The following ADGRB3 variants were observed in gnomAD, a reference collection of about 807,000 sequenced individuals.
The protein encoded by ADGRB3 is adhesion G protein-coupled receptor B3.
ADGRB3 carries 37 observed loss-of-function variants against 193.4 expected under a neutral mutation model. That is an observed-to-expected ratio of 0.19 (90% CI 0.15 to 0.25). ADGRB3 has a LOEUF of 0.25. ADGRB3 is among the 10% of genes least tolerant of loss of function. The pLI, the probability that ADGRB3 is intolerant of heterozygous loss-of-function variation, is 1.00. For missense variants in ADGRB3, 1,637 were observed against 1,852.9 expected, an observed-to-expected ratio of 0.88 and a Z score of 2.14; for synonymous variants, 690 against 644.2, an observed-to-expected ratio of 1.07 and a Z score of -1.08.
At chr6:69,077,715 C>T (rs1036971698) in intron 17 of ADGRB3, among the ~76,000 whole-genome samples, 5 of 151,944 alleles carry the variant, frequency 3.3e-5, no homozygotes, top group African/African-American at 9.7e-5. Context: ...TTATCTGTCA[C>T]GAAGAATGTC....
chr6:69,313,522 A>C (rs964447310), intron 20 of ADGRB3, among the ~76,000 whole-genome samples: 3 of 151,802 alleles, frequency 2.0e-5, no homozygotes, highest in African/African-American at 7.2e-5. Context: ...TCAGGGCTGC[A>C]AGATTTTGTT....
intron 17 of ADGRB3, among the ~76,000 whole-genome samples, chr6:69,107,637 A>T (rs1215237508): frequency 1.3e-5 from 2 of 152,192 alleles, no homozygotes; most frequent in Non-Finnish European, 2.9e-5. Context: ...ACAAGCAGTC[A>T]ACCTAGGTGC....
chr6:68,935,738 A>G (rs951263883), intron 4 of ADGRB3, among the ~76,000 whole-genome samples: 2 of 152,318 alleles, frequency 1.3e-5, no homozygotes, highest in East Asian at 3.9e-4. Context: ...ATAATAAAAG[A>G]AATTCGACAT....
At chr6:69,073,520 G>C (rs1772139419) in intron 16 of ADGRB3, among the ~76,000 whole-genome samples, 1 of 152,126 alleles carries the variant, frequency 6.6e-6, no homozygotes, top group Admixed American at 6.6e-5. Flanking sequence ...AAATGAAACA[G>C]GGGCCCTCGG....
chr6:69,344,568 G>C (rs569637666), intron 26 of ADGRB3, among the ~76,000 whole-genome samples: 1 of 152,260 alleles, frequency 6.6e-6, no homozygotes, highest in South Asian at 2.1e-4. Flanking sequence ...AATGAAGCCA[G>C]TAGTGATGAA....
intron 17 of ADGRB3, among the ~76,000 whole-genome samples, chr6:69,125,833 C>G (rs1247440556): frequency 6.6e-6 from 1 of 152,156 alleles, no homozygotes; most frequent in East Asian, 1.9e-4. Flanking sequence ...GCAATTTGTT[C>G]TGTTCTGGTA....
chr6:68,860,167 G>A (rs912569187), intron 3 of ADGRB3, among the ~76,000 whole-genome samples: 7 of 152,012 alleles, frequency 4.6e-5, no homozygotes, highest in Admixed American at 3.3e-4. Context: ...TTCTATATAT[G>A]CATAAAAAGA....
Position 69,025,102 on chromosome 6 carries a change from A to T in ADGRB3, c.2107+6603A>T, listed in dbSNP as rs68139824. On this transcript the variant is annotated intron_variant, in intron 13 of 31. Transcript: ENST00000370598. ...GCGAGACTCCGTCTCAAAAAAAAAA[A>T]AAAAAAATAAAAAATAATAAAATAA... is the stretch of plus-strand genomic sequence containing the variant. Among the ~76,000 whole-genome samples, 25 of 112,724 alleles carry T rather than the reference A, an allele frequency of 2.2e-4. No individual in the cohort carries two copies. In the South Asian group the frequency reaches 2.8e-3, roughly 13 times the overall value. 74.0% of individuals were successfully genotyped at this position (112,724 alleles called of 152,430 possible). A position where few individuals can be genotyped will look rare whatever the true frequency, so the allele number is the denominator to read the frequency against.
intron 3 of ADGRB3, among the ~76,000 whole-genome samples, chr6:68,803,674 C>T (rs539642015): frequency 6.6e-6 from 1 of 152,210 alleles, no homozygotes; most frequent in South Asian, 2.1e-4. Flanking sequence ...ATAACATTTT[C>T]CAATATTCCT....
chr6:69,083,805 C>T (rs1248990666), intron 17 of ADGRB3, among the ~76,000 whole-genome samples: 7 of 144,164 alleles, frequency 4.9e-5, no homozygotes, highest in Non-Finnish European at 3.0e-5. Flanking sequence ...GACAGAGTCT[C>T]GCTCTGTCAC....
intron 3 of ADGRB3, 59 bp from the exon 4 acceptor site, chr6:68,930,500 A>T (rs1767308016): frequency 8.6e-7 from 1 of 1,159,758 alleles, no homozygotes; most frequent in Non-Finnish European, 1.3e-6. Context: ...TGAGACAGTA[A>T]TGTAATTTGT....
chr6:69,380,516 A>G (rs1769924906), intron 30 of ADGRB3, among the ~76,000 whole-genome samples: 1 of 151,950 alleles, frequency 6.6e-6, no homozygotes, highest in African/African-American at 2.4e-5. Context: ...CATTGAAGGG[A>G]GGGGATTCCA....
intron 10 of ADGRB3, among the ~76,000 whole-genome samples, chr6:68,982,450 A>G (rs943285868): frequency 1.3e-5 from 2 of 152,058 alleles, no homozygotes; most frequent in African/African-American, 2.4e-5. Context: ...TTTCTCCATG[A>G]TGTTTGTAGA....
intron 8 of ADGRB3, among the ~76,000 whole-genome samples, chr6:68,963,639 G>A (rs1768294793): frequency 6.6e-6 from 1 of 152,058 alleles, no homozygotes; most frequent in Admixed American, 6.6e-5. Context: ...CTCCCCTTAT[G>A]GTGCTGTTTG....
chr6:68,947,955 A>G (rs1034474162), intron 6 of ADGRB3, among the ~76,000 whole-genome samples: 1 of 152,044 alleles, frequency 6.6e-6, no homozygotes, highest in Non-Finnish European at 1.5e-5. Flanking sequence ...GATCTCAGCA[A>G]TGGAGTGTTT....
chr6:68,953,195 G>T, intron 6 of ADGRB3, among the ~76,000 whole-genome samples: 1 of 151,444 alleles, frequency 6.6e-6, no homozygotes, highest in African/African-American at 2.4e-5. Flanking sequence ...TTCTCTCTTT[G>T]CCAGAAAACA....
chr6:69,277,481 T>C (rs1767329391), intron 20 of ADGRB3, among the ~76,000 whole-genome samples: 1 of 152,068 alleles, frequency 6.6e-6, no homozygotes, highest in Non-Finnish European at 1.5e-5. Flanking sequence ...TTGCATAAAG[T>C]CACCAGGGAG....
chr6:68,895,053 T>C (rs931385959), intron 3 of ADGRB3, among the ~76,000 whole-genome samples: 11 of 151,912 alleles, frequency 7.2e-5, no homozygotes, highest in Non-Finnish European at 1.5e-4. Context: ...TAAGTGGTAT[T>C]AAATATACTT....
chr6:69,034,634 A>G (rs1770812003), intron 13 of ADGRB3, among the ~76,000 whole-genome samples: 2 of 148,924 alleles, frequency 1.3e-5, no homozygotes, highest in Non-Finnish European at 3.0e-5. Context: ...AGCTATAAAT[A>G]TATAACTATA....
Sources: allele counts gnomAD v4.1 joint callset (sites outside exome capture counted in the v4.1 genomes callset), GRCh38; gene constraint gnomAD v4.1.1; transcripts MANE v1.5; gene names NCBI Gene and HGNC (gene_info 2026-07-23, HGNC 2026-07-21).